The following DAB1 variants were observed in gnomAD, a reference collection of about 807,000 sequenced individuals.
DAB1 encodes the protein DAB adaptor protein 1, also known as disabled homolog 1.
DAB1 carries 15 observed loss-of-function variants against 64.6 expected under a neutral mutation model. The ratio of observed to expected loss-of-function variants is 0.23; its 90% CI spans 0.16 to 0.36. DAB1 has a LOEUF of 0.36. Ranked by LOEUF, DAB1 falls within the 10% of genes least tolerant of loss-of-function variation. The pLI is 1.00. For synonymous variants in DAB1, 235 were observed against 251.9 expected (o/e 0.93, Z 0.64); for missense variants, 596 against 706.7 (o/e 0.84, Z 1.78).
At chr1:58,167,995 C>T (rs1008454723) in intron 4 of DAB1, among the ~76,000 whole-genome samples, 3 of 152,224 alleles carry the variant, frequency 2.0e-5, no homozygotes, top group African/African-American at 4.8e-5. Context: ...ATTCTGGACA[C>T]ATTTTGGCAA....
intron 5 of DAB1, among the ~76,000 whole-genome samples, chr1:58,057,908 C>A (rs1648239577): frequency 1.3e-5 from 2 of 152,076 alleles, no homozygotes; most frequent in Admixed American, 6.5e-5. Flanking sequence ...CTCCTGCTTG[C>A]CATTCCTCCC....
At chr1:57,894,887 A>T (rs187679004) in intron 5 of DAB1, among the ~76,000 whole-genome samples, 24 of 152,242 alleles carry the variant, frequency 1.6e-4, no homozygotes, top group Non-Finnish European at 3.2e-4. Flanking sequence ...AGCCCATTCA[A>T]ACTATCCACT....
Position 58,528,885 on chromosome 1 carries a change from T to A in DAB1, n.33-1550A>T, listed in dbSNP as rs183522964. Among the ~76,000 whole-genome samples, 19 of 152,352 alleles carry A rather than the reference T, an allele frequency of 1.2e-4. 1 individual carries two copies. The East Asian group carries it at 3.5e-3, about 28-fold the overall frequency. On this transcript the variant is annotated intron_variant and non_coding_transcript_variant, in intron 1 of 20. Coordinates refer to the DAB1 transcript ENST00000485760. The stretch of plus-strand genomic sequence containing the variant: ...AAAATAATTCAAATAGAATCATTCC[T>A]ACTTTATTTTCATTGACGAATTACA...
chr1:58,341,603 T>C (rs564173848), intron 4 of DAB1, among the ~76,000 whole-genome samples: 2 of 152,268 alleles, frequency 1.3e-5, no homozygotes, highest in East Asian at 3.9e-4. Flanking sequence ...TTACCTGAGA[T>C]CACAAAAAGT....
At chr1:57,041,955 C>T (rs981332373) in intron 9 of DAB1, among the ~76,000 whole-genome samples, 7 of 152,164 alleles carry the variant, frequency 4.6e-5, no homozygotes, top group African/African-American at 1.7e-4. Context: ...GTAGCAACTT[C>T]CCAACTCCTG....
At chr1:58,460,147 G>A (rs1318911463) in intron 3 of DAB1, among the ~76,000 whole-genome samples, 2 of 152,186 alleles carry the variant, frequency 1.3e-5, no homozygotes, top group Non-Finnish European at 2.9e-5. Flanking sequence ...CAGAGAGCAT[G>A]GATGACTCCA....
chr1:58,297,808 T>C (rs998964392), intron 4 of DAB1, among the ~76,000 whole-genome samples: 15 of 152,172 alleles, frequency 9.9e-5, no homozygotes, highest in African/African-American at 2.9e-4. Context: ...CATTTGTAAA[T>C]ATAGTAGAAG....
intron 1 of DAB1, among the ~76,000 whole-genome samples, chr1:58,540,926 A>T (rs80279178): frequency 0.018 from 2,809 of 152,254 alleles, 55 homozygotes; most frequent in East Asian, 0.12. Context: ...ACACAAAGGA[A>T]AAAAACTACA....
At chr1:58,018,455 T>G (rs1358409734) in intron 5 of DAB1, among the ~76,000 whole-genome samples, 1 of 152,146 alleles carries the variant, frequency 6.6e-6, no homozygotes, top group Non-Finnish European at 1.5e-5. Flanking sequence ...CCATGCTGTA[T>G]GTAATAGGCT....
intron 12 of DAB1, among the ~76,000 whole-genome samples, chr1:57,013,561 T>C (rs982055894): frequency 6.6e-6 from 1 of 152,244 alleles, no homozygotes; most frequent in Non-Finnish European, 1.5e-5. Flanking sequence ...GGCATTCATT[T>C]TCAGAATAGC....
chr1:58,115,086 C>T (rs1336221926), intron 5 of DAB1, among the ~76,000 whole-genome samples: 2 of 142,832 alleles, frequency 1.4e-5, no homozygotes, highest in Non-Finnish European at 3.0e-5. Flanking sequence ...GCAACCTACT[C>T]ATCTGACAAA....
At chr1:57,048,978 G>A (rs1028518050) in intron 9 of DAB1, among the ~76,000 whole-genome samples, 5 of 152,138 alleles carry the variant, frequency 3.3e-5, no homozygotes, top group African/African-American at 4.8e-5. Flanking sequence ...ATTTAACAGC[G>A]AGTCTTTTAC....
chr1:58,166,136 T>C (rs936191618), intron 4 of DAB1, among the ~76,000 whole-genome samples: 1 of 152,220 alleles, frequency 6.6e-6, no homozygotes, highest in Non-Finnish European at 1.5e-5. Flanking sequence ...TCAAGCTAGA[T>C]ATGATTTTGT....
At chr1:57,817,549 G>A (rs1651925071) in intron 6 of DAB1, among the ~76,000 whole-genome samples, 1 of 152,154 alleles carries the variant, frequency 6.6e-6, no homozygotes, top group African/African-American at 2.4e-5. Context: ...AACGTTGAAC[G>A]AGCAGGTCAC....
intron 4 of DAB1, among the ~76,000 whole-genome samples, chr1:58,197,516 C>T (rs987845795): frequency 2.0e-5 from 3 of 151,748 alleles, no homozygotes; most frequent in South Asian, 2.1e-4. Flanking sequence ...CTCAGCCTCC[C>T]GAGTGGCTGG....
rs1378721130 is a variant in DAB1 at position 58,296,186 on chromosome 1, AGAAAG to A, written n.309+47161_309+47165del. Among the ~76,000 whole-genome samples, 134 of 133,414 alleles carry A rather than the reference AGAAAG, an allele frequency of 1.0e-3. 2 individuals carry two copies. Among genetic ancestry groups the A allele is most frequent in the African/African-American group, 2.2e-3 (75 of 34,396 alleles). 87.5% of individuals were successfully genotyped at this position (133,414 alleles called of 152,430 possible). A position where few individuals can be genotyped will look rare whatever the true frequency, so the allele number is the denominator to read the frequency against. On this transcript the variant is annotated intron_variant and non_coding_transcript_variant, in intron 4 of 20. Transcript: ENST00000485760. ...AGAAAGAAAGAAAAAAGAAAGAAAG[AGAAAG>A]AAAGAGAAAGAAAGAAAGAAAGAAA... is the stretch of plus-strand genomic sequence containing the variant.
chr1:57,427,142 C>G (rs1161079023), upstream of DAB1, among the ~76,000 whole-genome samples: 1 of 152,150 alleles, frequency 6.6e-6, no homozygotes, highest in Non-Finnish European at 1.5e-5. Flanking sequence ...GGATTACAGG[C>G]GTGAGCCACC....
intron 3 of DAB1, among the ~76,000 whole-genome samples, chr1:58,355,027 C>T (rs368664668): frequency 6.6e-6 from 1 of 152,100 alleles, no homozygotes; most frequent in East Asian, 1.9e-4. Context: ...CATTTATTTC[C>T]TGAATAACTC....
rs12407697 is a variant in DAB1 at position 57,939,452 on chromosome 1, G to A, written n.388-55290C>T. 7.3e-3 allele frequency among the ~76,000 whole-genome samples: 1,112 copies of A among 152,152 alleles called. 13 individuals carry two copies. The highest frequency in any genetic ancestry group is 0.026 in the African/African-American group (1,069 of 41,528). On this transcript the variant is annotated intron_variant and non_coding_transcript_variant, in intron 5 of 20. Coordinates refer to the DAB1 transcript ENST00000485760. ...GGTTTACTCAGCTTACCTCAACCAC[G>A]ATGTTCTCTCTCATCTTCAAAACTT...
Sources: gnomAD v4.1 joint callset for allele counts (sites outside exome capture counted in the v4.1 genomes callset) on GRCh38, gnomAD v4.1.1 for gene constraint, MANE v1.5 for transcripts, NCBI Gene and HGNC (gene_info 2026-07-23, HGNC 2026-07-21) for gene names.